The following AOAH variants were observed in gnomAD, a reference collection of about 807,000 sequenced individuals.
The protein encoded by AOAH is acyloxyacyl hydrolase (neutrophil).
AOAH carries 64 observed loss-of-function variants against 92.2 expected under a neutral mutation model. The ratio of observed to expected loss-of-function variants is 0.69; its 90% CI spans 0.57 to 0.86. AOAH has a LOEUF of 0.86. Among genes scored for constraint, AOAH ranks in the 40% least tolerant of loss-of-function variants. AOAH has a pLI of 0.00. For synonymous variants in AOAH, 263 were observed against 254.5 expected, an observed-to-expected ratio of 1.03 and a Z score of -0.32; for missense variants, 656 against 694.6, an observed-to-expected ratio of 0.94 and a Z score of 0.62.
chr7:36,717,411 T>G (rs1261590306), intron 1 of AOAH, among the ~76,000 whole-genome samples: 1 of 151,530 alleles, frequency 6.6e-6, no homozygotes, highest in Admixed American at 6.6e-5. Flanking sequence ...ACTAAAGACT[T>G]AGCCCAAATT....
intron 1 of AOAH, among the ~76,000 whole-genome samples, chr7:36,696,228 T>C (rs67552469): frequency 0.081 from 12,384 of 152,256 alleles, 623 homozygotes; most frequent in Non-Finnish European, 0.12. Context: ...AATTCTCCAA[T>C]ACCGTTCTTC....
rs577458705 is a variant in AOAH at position 36,672,181 on chromosome 7, C to T, written c.290+1762G>A. Among the ~76,000 whole-genome samples, 17 of 152,232 alleles carry T rather than the reference C, an allele frequency of 1.1e-4. No homozygotes were observed. The East Asian group carries it at 3.1e-3, about 28-fold the overall frequency. On this transcript the variant is annotated intron_variant, in intron 3 of 20. Coordinates refer to ENST00000617537, the MANE Select transcript of AOAH (RefSeq NM_001637.4). ...AGAGCGAGATCGCTATTAAGAGAGG[C>T]AGATGCACAGTATGACAGATTACTG...
At chr7:36,575,366 T>C (rs1270636416) in intron 13 of AOAH, among the ~76,000 whole-genome samples, 5 of 152,206 alleles carry the variant, frequency 3.3e-5, no homozygotes, top group Non-Finnish European at 7.3e-5. Flanking sequence ...TCTTGGTTTC[T>C]CCATGCCTCC....
At chr7:36,514,811 A>G (rs951984982) in intron 20 of AOAH, 5 of 492,438 alleles carry the variant, frequency 1.0e-5, no homozygotes, top group Admixed American at 3.5e-5. Flanking sequence ...AGCGTAGCCA[A>G]CTCCCTCTCT....
At chr7:36,569,495 A>G (rs913066421) in intron 13 of AOAH, among the ~76,000 whole-genome samples, 79 of 151,718 alleles carry the variant, frequency 5.2e-4, no homozygotes, top group African/African-American at 1.8e-3. Flanking sequence ...CTATCTATCT[A>G]TCTATCTATC....
intron 12 of AOAH, among the ~76,000 whole-genome samples, chr7:36,577,945 G>A (rs1583862010): frequency 6.6e-6 from 1 of 152,166 alleles, no homozygotes; most frequent in East Asian, 1.9e-4. Flanking sequence ...CTTGGCAACT[G>A]TCTCAGTGCT....
intron 13 of AOAH, among the ~76,000 whole-genome samples, chr7:36,575,622 T>A (rs1403138134): frequency 6.6e-6 from 1 of 152,224 alleles, no homozygotes; most frequent in Non-Finnish European, 1.5e-5. Flanking sequence ...CATAAAGTGT[T>A]CTTAGCACTT....
chr7:36,679,172 A>G (rs1214170203), intron 2 of AOAH, among the ~76,000 whole-genome samples: 1 of 152,142 alleles, frequency 6.6e-6, no homozygotes, highest in Non-Finnish European at 1.5e-5. Flanking sequence ...CATGTTTACC[A>G]TCACTTCCTT....
intron 15 of AOAH, among the ~76,000 whole-genome samples, chr7:36,545,673 A>G (rs1785759737): frequency 6.6e-6 from 1 of 152,196 alleles, no homozygotes; most frequent in African/African-American, 2.4e-5. Context: ...TCCTAAGAAT[A>G]TGATGCTTGT....
chr7:36,540,615 T>C (rs1282512816), intron 15 of AOAH, 124 bp from the exon 16 acceptor site: 3 of 838,216 alleles, frequency 3.6e-6, no homozygotes, highest in East Asian at 2.6e-5. Flanking sequence ...GTGGTGGTCA[T>C]TGGAGCTATT....
intron 1 of AOAH, among the ~76,000 whole-genome samples, chr7:36,715,860 A>C (rs1299881200): frequency 6.6e-6 from 1 of 152,130 alleles, no homozygotes; most frequent in Non-Finnish European, 1.5e-5. Flanking sequence ...TAGACCTAAA[A>C]CCATAAAAAC....
intron 12 of AOAH, among the ~76,000 whole-genome samples, chr7:36,578,705 T>A (rs1036778758): frequency 6.6e-6 from 1 of 152,232 alleles, no homozygotes; most frequent in African/African-American, 2.4e-5. Flanking sequence ...TATTGACAAC[T>A]AATCAATGAT....
intron 11 of AOAH, among the ~76,000 whole-genome samples, chr7:36,596,601 G>C (rs555182683): frequency 6.6e-6 from 1 of 152,294 alleles, no homozygotes; most frequent in South Asian, 2.1e-4. Flanking sequence ...TGGAGGCAGA[G>C]ATTTGAATGA....
intron 13 of AOAH, among the ~76,000 whole-genome samples, chr7:36,570,956 C>T (rs113717336): frequency 6.6e-6 from 1 of 152,152 alleles, no homozygotes; most frequent in East Asian, 1.9e-4. Flanking sequence ...CTTCTGTTCC[C>T]CATGGGACTG....
chr7:36,703,895 A>C (rs1053129601), intron 1 of AOAH, among the ~76,000 whole-genome samples: 3 of 152,204 alleles, frequency 2.0e-5, no homozygotes, highest in Non-Finnish European at 4.4e-5. Flanking sequence ...ACTGTCTCCC[A>C]CAATGGTTGT....
Position 36,673,989 on chromosome 7 carries a change from TGG to T in AOAH, c.242_243del (p.Thr81AsnfsTer7). ...AACTTGTCAATGACTAAATAGCAGG[TGG>T]TTTTCAAGAACAGTTTTTCTAAAAA... ...SYLPEKLFLK[T>X]TCYLVIDKFG... On this transcript the variant is annotated frameshift_variant, in exon 3 of 21. Coordinates refer to ENST00000617537, the MANE Select transcript of AOAH (RefSeq NM_001637.4). LOFTEE classifies it high-confidence loss of function. The T allele has an allele frequency of 4.3e-6, 7 of 1,610,110 alleles. No individual in the cohort carries two copies. The highest frequency in any genetic ancestry group is 5.9e-6 in the Non-Finnish European group (7 of 1,176,916).
At chr7:36,631,997 A>T in intron 6 of AOAH, 39 bp downstream of exon 6, 1 of 1,502,042 alleles carries the variant, frequency 6.7e-7, no homozygotes, top group Non-Finnish European at 9.2e-7. Flanking sequence ...AGACGTTATT[A>T]CATGCTAGTG....
In AOAH at chr7:36,698,719, A is replaced by T. The variant is rs147312580; in HGVS notation, c.128-11925T>A. Reference sequence around the variant, plus strand: ...TATACATATTTTCAGGGCACCTGTGATTATTAATACAATCATATAATGTTT... The same window carrying T: ...TATACATATTTTCAGGGCACCTGTGTTTATTAATACAATCATATAATGTTT... On this transcript the variant is annotated intron_variant, in intron 1 of 20. Transcript: ENST00000617537. Among the ~76,000 whole-genome samples the T allele has an allele frequency of 2.2e-3, 338 of 152,286 alleles. 3 individuals carry two copies. The highest frequency in any genetic ancestry group is 7.9e-3 in the African/African-American group (328 of 41,564).
intron 1 of AOAH, among the ~76,000 whole-genome samples, chr7:36,723,712 A>G (rs1426550036): frequency 6.6e-6 from 1 of 152,226 alleles, no homozygotes; most frequent in Non-Finnish European, 1.5e-5. Flanking sequence ...CATGAAAAGC[A>G]GTAAAAATTT....
Sources: gnomAD v4.1 joint callset for allele counts (sites outside exome capture counted in the v4.1 genomes callset) on GRCh38, gnomAD v4.1.1 for gene constraint, MANE v1.5 for transcripts, NCBI Gene and HGNC (gene_info 2026-07-23, HGNC 2026-07-21) for gene names.